The following PARD3B variants were observed in gnomAD, a reference collection of about 807,000 sequenced individuals.
PARD3B encodes the protein par-3 family cell polarity regulator beta.
PARD3B carries 103 observed loss-of-function variants against 130.2 expected under a neutral mutation model. That is an observed-to-expected ratio of 0.79 (90% CI 0.67 to 0.93). The LOEUF (loss-of-function observed/expected upper bound fraction) is 0.93. Ranked by LOEUF, PARD3B falls within the 40% of genes least tolerant of loss-of-function variation. The pLI is 0.00. For missense variants in PARD3B, 1,609 were observed against 1,499.2 expected (o/e 1.07, Z -1.21); for synonymous variants, 583 against 553.2 (o/e 1.05, Z -0.76).
intron 16 of PARD3B, among the ~76,000 whole-genome samples, chr2:205,248,601 CT>C (rs762295338): frequency 1.6e-3 from 138 of 84,666 alleles, no homozygotes; most frequent in African/African-American, 2.6e-3. Flanking sequence ...TCTCACCATT[CT>C]TTTTTTTTTT....
chr2:205,212,928 G>GT (rs1488973261), intron 15 of PARD3B, among the ~76,000 whole-genome samples: 2 of 152,120 alleles, frequency 1.3e-5, no homozygotes, highest in Non-Finnish European at 2.9e-5. Context: ...GTCAGGCATA[G>GT]TTTTTTTGCA....
At chr2:204,990,664 A>G (rs1335325114) in intron 3 of PARD3B, among the ~76,000 whole-genome samples, 1 of 152,030 alleles carries the variant, frequency 6.6e-6, no homozygotes. Flanking sequence ...TGCTACAAAT[A>G]TCTTGCCCCA....
intron 1 of PARD3B, among the ~76,000 whole-genome samples, chr2:204,604,189 C>G (rs184649984): frequency 6.6e-6 from 1 of 152,162 alleles, no homozygotes; most frequent in Non-Finnish European, 1.5e-5. Context: ...ATAAAACAGT[C>G]TACTCTCCTG....
chr2:204,917,021 T>A (rs1575298301), intron 2 of PARD3B, among the ~76,000 whole-genome samples: 3 of 152,204 alleles, frequency 2.0e-5, no homozygotes, highest in African/African-American at 4.8e-5. Flanking sequence ...AACAAGGAAA[T>A]ATGTAAATAT....
Position 205,105,908 on chromosome 2 carries a change from A to G in PARD3B, c.593+1394A>G, listed in dbSNP as rs538696121. The stretch of plus-strand genomic sequence containing the variant: ...AACTAATAAGATTGTTTCTGGAGGT[A>G]GACATAATGATTGTAATGCTCTTAT... On this transcript the variant is annotated intron_variant, in intron 5 of 22. Transcript: ENST00000406610. The surrounding 1 kb of genome is among the most constrained non-coding windows in gnomAD (Gnocchi z 4.0). Among the ~76,000 whole-genome samples the G allele has an allele frequency of 6.6e-6, 1 of 152,058 alleles. No homozygotes were observed. The highest frequency in any genetic ancestry group is 2.1e-4 in the South Asian group (1 of 4,820).
At chr2:205,135,209 G>T (rs2032376512) in intron 10 of PARD3B, among the ~76,000 whole-genome samples, 1 of 152,146 alleles carries the variant, frequency 6.6e-6, no homozygotes, top group Non-Finnish European at 1.5e-5. Context: ...AGTAATTTAG[G>T]CCAGCTGTTG....
In PARD3B at chr2:205,464,988, TACTGCACGATAACAATGACATG is replaced by T. The variant is rs1415146949; in HGVS notation, c.3044+24320_3044+24341del. Among the ~76,000 whole-genome samples, 5 of 152,334 alleles carry T rather than the reference TACTGCACGATAACAATGACATG, an allele frequency of 3.3e-5. No homozygotes were observed. In the East Asian group the frequency reaches 9.6e-4, roughly 29 times the overall value. On this transcript the variant is annotated intron_variant, in intron 20 of 22. Coordinates refer to ENST00000406610, the MANE Select transcript of PARD3B (RefSeq NM_001302769.2). ...TGTGCCTGGTAATGGTGAGACTCTGTACTGCACGATAACAATGACATGACTTCGTTACATCTCAAATCAAAAG... is the reference window on the plus strand; with the variant it reads ...TGTGCCTGGTAATGGTGAGACTCTGTACTTCGTTACATCTCAAATCAAAAG...
chr2:205,452,462 CA>C (rs2048133335), intron 20 of PARD3B, among the ~76,000 whole-genome samples: 1 of 152,178 alleles, frequency 6.6e-6, no homozygotes, highest in African/African-American at 2.4e-5. Context: ...GTGGGAATCC[CA>C]GTGATAAATG....
At chr2:204,895,163 C>T (rs1243370888) in intron 2 of PARD3B, among the ~76,000 whole-genome samples, 2 of 151,932 alleles carry the variant, frequency 1.3e-5, no homozygotes, top group Non-Finnish European at 2.9e-5. Flanking sequence ...AAAATAGAAC[C>T]TACTTAGAGA....
chr2:204,551,914 A>G (rs2030491989), intron 1 of PARD3B, among the ~76,000 whole-genome samples: 1 of 152,228 alleles, frequency 6.6e-6, no homozygotes. Flanking sequence ...AAAGCAGTGT[A>G]GTGCAGTAGA....
At chr2:205,523,922 C>G (rs955906277) in intron 21 of PARD3B, among the ~76,000 whole-genome samples, 1 of 145,762 alleles carries the variant, frequency 6.9e-6, no homozygotes, top group Non-Finnish European at 1.5e-5. Flanking sequence ...AATCTAAATA[C>G]TTCTTATAAG....
intron 4 of PARD3B, among the ~76,000 whole-genome samples, chr2:205,049,548 C>G (rs1699041436): frequency 6.6e-6 from 1 of 152,050 alleles, no homozygotes; most frequent in Admixed American, 6.6e-5. Flanking sequence ...ATCGGTCCTC[C>G]AATGTTTATT....
At chr2:205,452,996 G>A (rs562720554) in intron 20 of PARD3B, among the ~76,000 whole-genome samples, 3 of 152,112 alleles carry the variant, frequency 2.0e-5, no homozygotes, top group African/African-American at 7.2e-5. Flanking sequence ...TGATCCTTAG[G>A]ATATATTCAT....
At chr2:205,192,438 AG>A (rs1218419640) in intron 14 of PARD3B, among the ~76,000 whole-genome samples, 4 of 152,206 alleles carry the variant, frequency 2.6e-5, no homozygotes, top group Non-Finnish European at 2.9e-5. Flanking sequence ...GCTATAATTT[AG>A]TTTATTAAAA....
intron 2 of PARD3B, among the ~76,000 whole-genome samples, chr2:204,814,840 G>T (rs2043090902): frequency 6.6e-6 from 1 of 151,582 alleles, no homozygotes; most frequent in African/African-American, 2.4e-5. Context: ...TGGTTATATG[G>T]TTTTTCTTTT....
chr2:204,767,210 T>G (rs1197480861), intron 2 of PARD3B, among the ~76,000 whole-genome samples: 2 of 58,316 alleles, frequency 3.4e-5, no homozygotes, highest in Non-Finnish European at 6.9e-5. Context: ...CCATGTGATC[T>G]CATTGTTCAA....
intron 16 of PARD3B, among the ~76,000 whole-genome samples, chr2:205,298,209 T>C (rs2105895019): frequency 6.6e-6 from 1 of 152,300 alleles, no homozygotes; most frequent in African/African-American, 2.4e-5. Context: ...CAGATAGTTT[T>C]CATCTTCATG....
chr2:204,720,971 A>G (rs1425533921), intron 2 of PARD3B, among the ~76,000 whole-genome samples: 1 of 151,984 alleles, frequency 6.6e-6, no homozygotes. Flanking sequence ...AAGGAACATA[A>G]AAAAAAGACT....
intron 2 of PARD3B, among the ~76,000 whole-genome samples, chr2:204,758,600 A>G (rs2040773199): frequency 6.6e-6 from 1 of 152,154 alleles, no homozygotes; most frequent in Non-Finnish European, 1.5e-5. Flanking sequence ...CAATTAAATA[A>G]CGTTTCTCCA....
Sources: gnomAD v4.1 joint callset for allele counts (sites outside exome capture counted in the v4.1 genomes callset) on GRCh38, gnomAD v4.1.1 for gene constraint, Gnocchi (gnomAD v3.1) non-coding constraint, MANE v1.5 for transcripts, NCBI Gene and HGNC (gene_info 2026-07-23, HGNC 2026-07-21) for gene names.